The following NCKAP5 variants were observed in gnomAD, a reference collection of about 807,000 sequenced individuals.
The protein encoded by NCKAP5 is nck-associated protein 5.
A neutral mutation model predicts 167.0 loss-of-function variants in NCKAP5; 92 were observed. The observed-to-expected ratio is 0.55, with a 90% CI of 0.47 to 0.66. The LOEUF (loss-of-function observed/expected upper bound fraction) is 0.66, where lower values mean the gene tolerates loss of function less well. Among genes scored for constraint, NCKAP5 ranks in the 30% least tolerant of loss-of-function variants. NCKAP5 has a pLI of 0.00. For missense variants in NCKAP5, 2,378 were observed against 2,315.0 expected (o/e 1.03, Z -0.56); for synonymous variants, 891 against 877.4 (o/e 1.02, Z -0.27).
At chr2:133,482,016 C>A (rs1680492883) in intron 3 of NCKAP5, among the ~76,000 whole-genome samples, 1 of 152,268 alleles carries the variant, frequency 6.6e-6, no homozygotes, top group East Asian at 1.9e-4. Flanking sequence ...TCTGATCTAT[C>A]TTTCCACTCT....
chr2:133,616,460 TA>T, the NCKAP5 span, among the ~76,000 whole-genome samples: 36 of 151,096 alleles, frequency 2.4e-4, no homozygotes, highest in African/African-American at 8.7e-4. Context: ...TAAAAAATGA[TA>T]AAGGGGATAT....
rs113512175 is a variant in NCKAP5, at chr2:132,831,717, T to C, written c.807+28775A>G. On this transcript the variant is annotated intron_variant, in intron 11 of 19. Transcript: ENST00000409261. Reference sequence around the variant, plus strand: ...TTTTGCAATAGGGTTTTTGTTTATTTGGTTAATTGGCTTGGTTTTGTATTT... The same window carrying C: ...TTTTGCAATAGGGTTTTTGTTTATTCGGTTAATTGGCTTGGTTTTGTATTT... Among the ~76,000 whole-genome samples, 338 of 152,212 alleles carry C rather than the reference T, an allele frequency of 2.2e-3. 2 individuals are homozygous for C. The highest frequency in any genetic ancestry group is 7.6e-3 in the African/African-American group (317 of 41,576).
intron 4 of NCKAP5, among the ~76,000 whole-genome samples, chr2:133,300,950 T>C (rs1441504912): frequency 1.4e-5 from 1 of 72,146 alleles, no homozygotes; most frequent in African/African-American, 6.6e-5. Context: ...ACAAAATCAA[T>C]GTACAAAAAT....
At chr2:132,740,779 G>A (rs1679113417) in intron 16 of NCKAP5, among the ~76,000 whole-genome samples, 1 of 151,912 alleles carries the variant, frequency 6.6e-6, no homozygotes, top group African/African-American at 2.4e-5. Flanking sequence ...CCAGACTTTG[G>A]GAGTCTTGCA....
the NCKAP5 span, among the ~76,000 whole-genome samples, chr2:133,615,377 C>T: frequency 5.9e-5 from 9 of 151,556 alleles, no homozygotes; most frequent in Admixed American, 6.6e-5. Context: ...GAGTCAAGAC[C>T]CATCAGTGTG....
At chr2:133,107,152 C>A (rs1290495255) in intron 6 of NCKAP5, among the ~76,000 whole-genome samples, 4 of 152,146 alleles carry the variant, frequency 2.6e-5, no homozygotes, top group Non-Finnish European at 5.9e-5. Flanking sequence ...GAAGCTGGAG[C>A]AAACTCTTCA....
chr2:133,379,939 T>C (rs1262134346), intron 3 of NCKAP5, among the ~76,000 whole-genome samples: 1 of 152,172 alleles, frequency 6.6e-6, no homozygotes, highest in African/African-American at 2.4e-5. Flanking sequence ...AATAGATGTA[T>C]GTACATAATT....
intron 8 of NCKAP5, among the ~76,000 whole-genome samples, chr2:132,913,627 G>C (rs940647548): frequency 6.6e-6 from 1 of 152,062 alleles, no homozygotes; most frequent in African/African-American, 2.4e-5. Context: ...TGATCACTTT[G>C]GGAGGTGGAC....
At chr2:133,629,152 T>G in the NCKAP5 span, among the ~76,000 whole-genome samples, 1 of 152,280 alleles carries the variant, frequency 6.6e-6, no homozygotes, top group Non-Finnish European at 1.5e-5. Flanking sequence ...TTAATTAAAC[T>G]AAAGAACTCC....
chr2:133,377,891 C>T (rs72989653), intron 3 of NCKAP5, among the ~76,000 whole-genome samples: 24 of 151,774 alleles, frequency 1.6e-4, no homozygotes, highest in Non-Finnish European at 2.6e-4. Context: ...ACCAGGAAAA[C>T]CCCTGATCCA....
chr2:133,453,973 T>G (rs1691699158), intron 3 of NCKAP5, among the ~76,000 whole-genome samples: 1 of 152,100 alleles, frequency 6.6e-6, no homozygotes, highest in Non-Finnish European at 1.5e-5. Context: ...CATGTATATC[T>G]AATTTACTTT....
chr2:132,857,127 C>T (rs1466704637), intron 11 of NCKAP5, among the ~76,000 whole-genome samples: 1 of 151,880 alleles, frequency 6.6e-6, no homozygotes, highest in African/African-American at 2.4e-5. Flanking sequence ...AGGGCCAAGG[C>T]TGCTTCTTTG....
At chr2:133,382,159 C>T (rs956849546) in intron 3 of NCKAP5, among the ~76,000 whole-genome samples, 1 of 152,080 alleles carries the variant, frequency 6.6e-6, no homozygotes, top group African/African-American at 2.4e-5. Flanking sequence ...CCTTGTCTCC[C>T]GCCTCTTCCT....
At chr2:133,246,481 G>A (rs538461425) in intron 4 of NCKAP5, among the ~76,000 whole-genome samples, 2 of 152,254 alleles carry the variant, frequency 1.3e-5, no homozygotes, top group South Asian at 2.1e-4. Flanking sequence ...GCCCTACACA[G>A]ATCCTTAGCA....
At chr2:132,929,487 C>T (rs1696191965) in intron 8 of NCKAP5, among the ~76,000 whole-genome samples, 1 of 152,102 alleles carries the variant, frequency 6.6e-6, no homozygotes, top group South Asian at 2.1e-4. Context: ...TAAAATTGTT[C>T]ATATTTCAGA....
intron 11 of NCKAP5, among the ~76,000 whole-genome samples, chr2:132,850,932 C>T (rs1455799718): frequency 1.3e-5 from 2 of 152,084 alleles, no homozygotes; most frequent in Admixed American, 6.6e-5. Flanking sequence ...GGCTTCCTAT[C>T]AGGGTCTGTG....
chr2:133,448,416 T>C (rs1336147565), intron 3 of NCKAP5, among the ~76,000 whole-genome samples: 1 of 152,182 alleles, frequency 6.6e-6, no homozygotes, highest in Non-Finnish European at 1.5e-5. Context: ...CTATCCTGTA[T>C]AGTCACATTA....
At chr2:133,473,341 A>C (rs1043499059) in intron 3 of NCKAP5, among the ~76,000 whole-genome samples, 1 of 152,090 alleles carries the variant, frequency 6.6e-6, no homozygotes, top group Non-Finnish European at 1.5e-5. Context: ...CAAAAAAAAA[A>C]AAATTAATTA....
intron 19 of NCKAP5, among the ~76,000 whole-genome samples, chr2:132,712,282 C>T (rs1413341829): frequency 6.6e-6 from 1 of 152,194 alleles, no homozygotes; most frequent in African/African-American, 2.4e-5. Flanking sequence ...CCCACCCAAA[C>T]CTGATTCTTC....
Sources: allele counts gnomAD v4.1 joint callset (sites outside exome capture counted in the v4.1 genomes callset), GRCh38; gene constraint gnomAD v4.1.1; transcripts MANE v1.5; gene names NCBI Gene and HGNC (gene_info 2026-07-23, HGNC 2026-07-21).